Variants in KPNA2 observed in about 807,000 individuals in gnomAD.
KPNA2 encodes the protein importin subunit alpha-1.
KPNA2 carries 20 observed loss-of-function variants against 53.7 expected under a neutral mutation model. The ratio of observed to expected loss-of-function variants is 0.37; its 90% CI spans 0.26 to 0.54. The LOEUF is 0.54. Among genes scored for constraint, KPNA2 ranks in the 20% least tolerant of loss-of-function variants. The probability of loss-of-function intolerance (pLI) is 0.83; values close to 1 mark genes in which losing one functional copy is unlikely to be tolerated. For missense variants in KPNA2, 515 were observed against 640.3 expected (o/e 0.80, Z 2.11); for synonymous variants, 238 against 227.5 (o/e 1.05, Z -0.42).
intron 4 of KPNA2, among the ~76,000 whole-genome samples, 188 bp from the exon 5 acceptor site, chr17:68,041,897 G>C (rs917617570): frequency 2.0e-5 from 3 of 152,110 alleles, no homozygotes; most frequent in Non-Finnish European, 4.4e-5. Context: ...TAATTATACC[G>C]CATACATAGC....
Position 68,044,478 on chromosome 17 carries a change from T to A in KPNA2, c.1322T>A (p.Leu441Gln). The part of the protein sequence containing the change: ...AKDTKIILVI[L>Q]DAISNIFQAA... ...GATACCAAGATTATTCTGGTTATCC[T>A]GGATGCCATTTCAAATATCTTTCAG... The change falls in exon 9 of 11, where the codon CTG becomes CAG. Residue 441 changes from leucine (L) to glutamine (Q), a missense_variant. By Grantham distance (113) the Leu-to-Gln change is moderately radical (BLOSUM62 -2). Transcript: ENST00000330459. 1 of 1,613,742 alleles carries A rather than the reference T, an allele frequency of 6.2e-7. No homozygotes were observed. Among genetic ancestry groups the A allele is most frequent in the Non-Finnish European group, 8.5e-7 (1 of 1,179,884 alleles).
rs1555704995 is a variant in KPNA2 at position 68,043,827 on chromosome 17, T to G, written c.931-11T>G. 2.0e-6 allele frequency: 3 copies of G among 1,527,336 alleles called. No individual in the cohort carries two copies. The highest frequency in any genetic ancestry group is 2.7e-6 in the Non-Finnish European group (3 of 1,103,610). The allele number at this position is 1,527,336 out of a possible 1,614,324, so 94.6% of individuals were successfully genotyped here. The stretch of plus-strand genomic sequence containing the variant: ...AAAATAACCAGCATCAACATATTTT[T>G]TTTTTTTCAGACTCCTGCCCTAAGA... On this transcript the variant is annotated splice_polypyrimidine_tract_variant and intron_variant, in intron 7 of 10. Coordinates refer to ENST00000330459, the MANE Select transcript of KPNA2 (RefSeq NM_002266.4).
rs1555705472 is a variant in KPNA2 at position 68,046,804 on chromosome 17, C to G, written c.*208C>G. On this transcript the variant is annotated 3_prime_UTR_variant, in exon 11 of 11. Transcript: ENST00000330459. ...CTAATTTCTATGTGGAATTTCCTAT[C>G]TTGCAGCATCCTGTAAATAAACATT... The G allele has an allele frequency of 2.5e-5, 10 of 405,018 alleles. No homozygotes were observed. The East Asian group carries it at 4.1e-4, about 17-fold the overall frequency. The allele number at this position is 405,018 out of a possible 1,614,324, so 25.1% of individuals were successfully genotyped here. A position where few individuals can be genotyped will look rare whatever the true frequency, so the allele number is the denominator to read the frequency against.
chr17:68,040,382 A>G (rs1214288249), intron 3 of KPNA2, among the ~76,000 whole-genome samples: 1 of 150,542 alleles, frequency 6.6e-6, no homozygotes, highest in Non-Finnish European at 1.5e-5. Context: ...GGTGTGAGCC[A>G]CCATGCCTGT....
intron 3 of KPNA2, among the ~76,000 whole-genome samples, chr17:68,040,027 C>T (rs1448767054): frequency 4.6e-5 from 7 of 151,856 alleles, no homozygotes; most frequent in South Asian, 2.1e-4. Flanking sequence ...TGGTGGTGAG[C>T]CAAGATCATG....
rs781899186 is a variant in KPNA2, at chr17:68,043,166, C to G, written c.733C>G (p.Pro245Ala). The G allele has an allele frequency of 6.2e-7, 1 of 1,614,120 alleles. No individual in the cohort carries two copies. The highest frequency in any genetic ancestry group is 8.5e-7 in the Non-Finnish European group (1 of 1,180,024). Residue 245 changes from proline to alanine, a missense_variant, in exon 7 of 11, where the codon CCG (proline) becomes GCG (alanine). Coordinates refer to ENST00000330459, the MANE Select transcript of KPNA2 (RefSeq NM_002266.4). ...NLCRNKNPAP[P>A]IDAVEQILPT... ...TTGCCGCAACAAGAATCCTGCACCC[C>G]CGATAGATGCTGTTGAGCAGATTCT...
At chr17:68,038,746 G>A (rs547436370) in intron 3 of KPNA2, among the ~76,000 whole-genome samples, 1 of 152,302 alleles carries the variant, frequency 6.6e-6, no homozygotes, top group African/African-American at 2.4e-5. Context: ...AGCTGGGCAT[G>A]GTGGTTCATG....
chr17:68,038,395 C>A (rs1305198749), intron 3 of KPNA2, among the ~76,000 whole-genome samples: 1 of 152,150 alleles, frequency 6.6e-6, no homozygotes, highest in Non-Finnish European at 1.5e-5. Flanking sequence ...CGTGAGCCAC[C>A]AGGCCCTTCC....
chr17:68,044,589 G>A (rs1555705189), intron 9 of KPNA2, 86 bp downstream of exon 9: 26 of 1,052,104 alleles, frequency 2.5e-5, no homozygotes, highest in Non-Finnish European at 3.6e-5. Flanking sequence ...GCAGCTGTAA[G>A]TTTACTCACT....
chr17:68,043,775 G>A, intron 7 of KPNA2, 63 bp from the exon 8 acceptor site: 1 of 1,012,836 alleles, frequency 9.9e-7, no homozygotes, highest in Non-Finnish European at 1.6e-6. Context: ...AACTTTTAGG[G>A]TATAGAATTT....
At position 68,037,138 on chromosome 17, in the gene KPNA2, C is replaced by T. The variant is rs782600432; in HGVS notation, c.6C>T (p.Ser2=). 6.2e-7 allele frequency: 1 copy of T among 1,612,052 alleles called. No homozygotes were observed. The highest frequency in any genetic ancestry group is 8.5e-7 in the Non-Finnish European group (1 of 1,178,832). M[S]TNENANTPAA... Reference sequence around the variant, plus strand: ...TCTCCCTTTGTCTCATAACCATGTCCACCAACGAGAATGCTAATACACCAG... The same window carrying T: ...TCTCCCTTTGTCTCATAACCATGTCTACCAACGAGAATGCTAATACACCAG... Residue 2 remains serine (S), a synonymous_variant, in exon 2 of 11, where the codon TCC becomes TCT. Coordinates refer to ENST00000330459, the MANE Select transcript of KPNA2 (RefSeq NM_002266.4).
intron 9 of KPNA2, among the ~76,000 whole-genome samples, chr17:68,045,152 T>C (rs1227085437): frequency 5.6e-4 from 85 of 152,234 alleles, no homozygotes; most frequent in Non-Finnish European, 8.5e-4. Context: ...TGTTACTGTG[T>C]ATAAATAATT....
chr17:68,040,117 A>G (rs139806375), intron 3 of KPNA2, among the ~76,000 whole-genome samples: 2 of 152,044 alleles, frequency 1.3e-5, no homozygotes, highest in Non-Finnish European at 2.9e-5. Context: ...AACGTTGCCT[A>G]TGACTTCATG....
At chr17:68,045,327 A>C (rs2071315863) in intron 9 of KPNA2, 1 of 153,842 alleles carries the variant, frequency 6.5e-6, no homozygotes, top group South Asian at 2.0e-4. Flanking sequence ...TAAATCCTTA[A>C]TACCAACACA....
rs1345894059 is a variant in KPNA2 at position 68,046,788 on chromosome 17, A to G, written c.*192A>G. On this transcript the variant is annotated 3_prime_UTR_variant, in exon 11 of 11. Transcript: ENST00000330459. ...TCCTCTGACTAGGTTTCTAATTTCTATGTGGAATTTCCTATCTTGCAGCAT... is the reference window on the plus strand; with the variant it reads ...TCCTCTGACTAGGTTTCTAATTTCTGTGTGGAATTTCCTATCTTGCAGCAT... 3 of 423,536 alleles carry G rather than the reference A, an allele frequency of 7.1e-6. No individual in the cohort carries two copies. The highest frequency in any genetic ancestry group is 3.8e-5 in the East Asian group (1 of 26,130). 26.2% of individuals were successfully genotyped at this position (423,536 alleles called of 1,614,324 possible). A position where few individuals can be genotyped will look rare whatever the true frequency, so the allele number is the denominator to read the frequency against.
In KPNA2 at chr17:68,040,664, C is replaced by G. The variant is rs1458896575; in HGVS notation, c.214-14C>G. The G allele has an allele frequency of 2.6e-6, 4 of 1,567,696 alleles. No individual in the cohort carries two copies. The highest frequency in any genetic ancestry group is 3.5e-6 in the Non-Finnish European group (4 of 1,141,060). On this transcript the variant is annotated splice_polypyrimidine_tract_variant and intron_variant, in intron 3 of 10. Coordinates refer to ENST00000330459, the MANE Select transcript of KPNA2 (RefSeq NM_002266.4). ...ATCTTAATGATAATGTGCAAACTTT[C>G]ACTTTTCTTCTAGGGCACTGTAAAT... is the stretch of plus-strand genomic sequence containing the variant.
At chr17:68,042,419 G>T in intron 5 of KPNA2, 66 bp downstream of exon 5, 1 of 1,493,338 alleles carries the variant, frequency 6.7e-7, no homozygotes, top group Non-Finnish European at 9.2e-7. Context: ...GAAAGGCCTT[G>T]TTATAAGTAA....
At position 68,040,481 on chromosome 17, in the gene KPNA2, T is replaced by A. The variant is rs534498260; in HGVS notation, c.214-197T>A. ...CTCCATAACTTGAGACTCCAGTGAG[T>A]CCATGACAACAAGTTTGGAAACTGT... On this transcript the variant is annotated intron_variant, in intron 3 of 10. Coordinates refer to ENST00000330459, the MANE Select transcript of KPNA2 (RefSeq NM_002266.4). 2.6e-5 allele frequency among the ~76,000 whole-genome samples: 4 copies of A among 152,230 alleles called. No homozygotes were observed. In the East Asian group the frequency reaches 5.8e-4, roughly 22 times the overall value.
At position 68,043,962 on chromosome 17, in the gene KPNA2, A is replaced by G; in HGVS notation, c.1055A>G (p.Gln352Arg). Reference sequence around the variant, plus strand: ...CTCACCAACCCCAAAACTAACATTCAGAAGGAAGCTACGTGGACAATGTCA... The same window carrying G: ...CTCACCAACCCCAAAACTAACATTCGGAAGGAAGCTACGTGGACAATGTCA... Reference protein sequence around the residue: ...SLLTNPKTNIQKEATWTMSNI... With the variant: ...SLLTNPKTNIRKEATWTMSNI... Residue 352 changes from glutamine to arginine, a missense_variant, in exon 8 of 11, where the codon CAG becomes CGG. Gln to Arg is a conservative substitution (Grantham distance 43). Coordinates refer to ENST00000330459, the MANE Select transcript of KPNA2 (RefSeq NM_002266.4). 1.2e-6 allele frequency: 2 copies of G among 1,614,000 alleles called. No individual in the cohort carries two copies. The highest frequency in any genetic ancestry group is 1.3e-5 in the African/African-American group (1 of 75,022).
Sources: gnomAD v4.1 joint callset for allele counts (sites outside exome capture counted in the v4.1 genomes callset) on GRCh38, gnomAD v4.1.1 for gene constraint, MANE v1.5 for transcripts, NCBI Gene and HGNC (gene_info 2026-07-23, HGNC 2026-07-21) for gene names.